ZNF362: variants seen among roughly 807,000 people sequenced by gnomAD.
The protein encoded by ZNF362 is zinc finger protein 362.
A neutral mutation model predicts 42.9 loss-of-function variants in ZNF362; 11 were observed. The ratio of observed to expected loss-of-function variants is 0.26; its 90% CI spans 0.16 to 0.42. ZNF362 has a LOEUF of 0.42. ZNF362 is among the 20% of genes least tolerant of loss of function. ZNF362 has a pLI of 1.00. For synonymous variants in ZNF362, 255 were observed against 257.3 expected, an observed-to-expected ratio of 0.99 and a Z score of 0.09; for missense variants, 362 against 576.2, an observed-to-expected ratio of 0.63 and a Z score of 3.81.
the ZNF362 span, among the ~76,000 whole-genome samples, chr1:33,236,569 A>ATATATG: frequency 2.9e-5 from 3 of 104,616 alleles, no homozygotes; most frequent in African/African-American, 1.0e-4. Context: ...ATATATATAT[A>ATATATG]TATACATACA....
chr1:33,236,550 A>AAAAAATATATATAT, the ZNF362 span, among the ~76,000 whole-genome samples: 7 of 5,974 alleles, frequency 1.2e-3, no homozygotes, highest in African/African-American at 7.8e-4. Context: ...AAAAAAAAAA[A>AAAAAATATATATAT]ATATATATAT....
At chr1:33,297,734 G>A (rs1275839044) in intron 8 of ZNF362, among the ~76,000 whole-genome samples, 1 of 152,050 alleles carries the variant, frequency 6.6e-6, no homozygotes, top group African/African-American at 2.4e-5. Flanking sequence ...GGCTGGTCTC[G>A]AATTCCTGAC....
At chr1:33,265,911 C>T (rs1398918953) in intron 1 of ZNF362, among the ~76,000 whole-genome samples, 1 of 152,188 alleles carries the variant, frequency 6.6e-6, no homozygotes, top group Non-Finnish European at 1.5e-5. Flanking sequence ...TGCACTATAC[C>T]CCTGACCCAC....
At chr1:33,180,953 T>TGGGGGGGGGGGGGGGGG in the ZNF362 span, 1 of 724,330 alleles carries the variant, frequency 1.4e-6, no homozygotes, top group Non-Finnish European at 2.0e-6. Flanking sequence ...GGTCCAGCCC[T>TGGGGGGGGGGGGGGGGG]GACCCCACCC....
At chr1:33,210,893 T>C in the ZNF362 span, among the ~76,000 whole-genome samples, 2 of 151,942 alleles carry the variant, frequency 1.3e-5, no homozygotes, top group Non-Finnish European at 2.9e-5. Flanking sequence ...TGCCAGTCTG[T>C]GTCTTTTAAT....
At chr1:33,252,850 G>T (rs1161053777), upstream of ZNF362, among the ~76,000 whole-genome samples, 1 of 152,138 alleles carries the variant, frequency 6.6e-6, no homozygotes, top group Non-Finnish European at 1.5e-5. Context: ...AAGGGAGAGG[G>T]GTTAATGGGC....
chr1:33,256,864 A>G (rs1645795777), intron 1 of ZNF362, among the ~76,000 whole-genome samples: 1 of 148,916 alleles, frequency 6.7e-6, no homozygotes, highest in Non-Finnish European at 1.5e-5. Context: ...CGCGCGGGGT[A>G]GGAAGTGTCT....
chr1:33,280,226 C>T lies in ZNF362; in HGVS notation c.452C>T (p.Thr151Ile). 2 of 1,614,012 alleles carry T rather than the reference C, an allele frequency of 1.2e-6. No individual in the cohort carries two copies. Among genetic ancestry groups the T allele is most frequent in the African/African-American group, 1.3e-5 (1 of 75,056 alleles). The part of the protein sequence containing the change: ...GTSTPSTPTT[T>I]SQSRLIASSP... ...AGCACCCCGTCCACACCCACCACCA[C>T]CAGCCAGAGCCGCCTCATCGCCTCG... The change falls in exon 5 of 9, where the codon ACC becomes ATC. Residue 151 changes from threonine to isoleucine, a missense_variant. Physicochemically the swap from Thr to Ile is moderately conservative, Grantham distance 89. Transcript: ENST00000539719. The surrounding 1 kb of genome is among the most constrained non-coding windows in gnomAD (Gnocchi z 5.6).
At chr1:33,218,978 C>CACATACAT in the ZNF362 span, among the ~76,000 whole-genome samples, 8 of 134,340 alleles carry the variant, frequency 6.0e-5, no homozygotes, top group African/African-American at 8.1e-5. Context: ...CACACACACA[C>CACATACAT]ACATACACCA....
At chr1:33,142,384 C>G in the ZNF362 span, 1 of 152,400 alleles carries the variant, frequency 6.6e-6, no homozygotes, top group Admixed American at 6.5e-5. Flanking sequence ...CCTGCTGCCA[C>G]CCCAGAGAGA....
chr1:33,167,067 A>G, the ZNF362 span, among the ~76,000 whole-genome samples: 19 of 152,086 alleles, frequency 1.2e-4, 1 homozygote, highest in Admixed American at 1.2e-3. This position sits in a 1 kb window ranked among gnomAD's most constrained non-coding sequence, Gnocchi z 4.2. Context: ...TCCAATCTTC[A>G]GACTATGCCC....
the ZNF362 span, among the ~76,000 whole-genome samples, chr1:33,197,599 G>C: frequency 6.6e-6 from 1 of 152,178 alleles, no homozygotes; most frequent in East Asian, 1.9e-4. Flanking sequence ...AAACAAGCAA[G>C]GTGAGCTAAA....
chr1:33,282,043 C>G, intron 6 of ZNF362: 1 of 566,062 alleles, frequency 1.8e-6, no homozygotes, highest in South Asian at 2.1e-5. Flanking sequence ...AGAGACACCC[C>G]TCTCCCGCTT....
the ZNF362 span, among the ~76,000 whole-genome samples, chr1:33,250,852 G>GGAGGAAGAAGAAGAAGAA: frequency 4.4e-5 from 6 of 137,484 alleles, no homozygotes; most frequent in African/African-American, 8.3e-5. Context: ...GAAGAAAGAA[G>GGAGGAAGAAGAAGAAGAA]GAAGAAGAAG....
chr1:33,207,490 G>T, the ZNF362 span, among the ~76,000 whole-genome samples: 1 of 152,072 alleles, frequency 6.6e-6, no homozygotes, highest in South Asian at 2.1e-4. Context: ...TGGGTCAAAT[G>T]GTATTTCTAG....
At chr1:33,259,060 A>T (rs1257318874) in intron 1 of ZNF362, among the ~76,000 whole-genome samples, 1 of 152,176 alleles carries the variant, frequency 6.6e-6, no homozygotes, top group African/African-American at 2.4e-5. Flanking sequence ...CACCCAAAGA[A>T]TGTCAGACTG....
the ZNF362 span, among the ~76,000 whole-genome samples, chr1:33,197,657 G>A: frequency 6.6e-6 from 1 of 152,126 alleles, no homozygotes; most frequent in East Asian, 1.9e-4. Context: ...CCACAGTACG[G>A]GGGAGGGAAC....
At chr1:33,297,667 A>C (rs555495794) in intron 8 of ZNF362, among the ~76,000 whole-genome samples, 1 of 152,044 alleles carries the variant, frequency 6.6e-6, no homozygotes, top group South Asian at 2.1e-4. Context: ...ATGTGCCACT[A>C]TGGCCACCTA....
At chr1:33,181,834 C>A in the ZNF362 span, among the ~76,000 whole-genome samples, 1 of 12,710 alleles carries the variant, frequency 7.9e-5, no homozygotes, top group African/African-American at 3.2e-4. This position sits in a 1 kb window ranked among gnomAD's most constrained non-coding sequence, Gnocchi z 6.5. Flanking sequence ...GGGGTGGGGG[C>A]GGTGCGGGGA....
Sources: gnomAD v4.1 joint callset for allele counts (sites outside exome capture counted in the v4.1 genomes callset) on GRCh38, gnomAD v4.1.1 for gene constraint, Gnocchi (gnomAD v3.1) non-coding constraint, MANE v1.5 for transcripts, NCBI Gene and HGNC (gene_info 2026-07-23, HGNC 2026-07-21) for gene names.